The following FAM219A variants were observed in gnomAD, a reference collection of about 807,000 sequenced individuals.
The protein encoded by FAM219A is family with sequence similarity 219 member A.
A neutral mutation model predicts 23.4 loss-of-function variants in FAM219A; 7 were observed. The ratio of observed to expected loss-of-function variants is 0.30; its 90% CI spans 0.17 to 0.56. The LOEUF (loss-of-function observed/expected upper bound fraction) is 0.56. Among genes scored for constraint, FAM219A ranks in the 20% least tolerant of loss-of-function variants. The pLI, the probability that FAM219A is intolerant of heterozygous loss-of-function variation, is 0.92. For missense variants in FAM219A, 166 were observed against 246.9 expected, an observed-to-expected ratio of 0.67 and a Z score of 2.20; for synonymous variants, 93 against 99.0, an observed-to-expected ratio of 0.94 and a Z score of 0.36.
intron 1 of FAM219A, among the ~76,000 whole-genome samples, chr9:34,438,205 C>T (rs1823000955): frequency 6.6e-6 from 1 of 152,216 alleles, no homozygotes; most frequent in Non-Finnish European, 1.5e-5. Flanking sequence ...CTTGAGCCTC[C>T]CACCCCTCCA....
rs1050404460 is a variant in FAM219A at position 34,438,854 on chromosome 9, C to T, written c.60+19350G>A. Reference sequence around the variant, plus strand: ...GCTGCCCAAGCCAGCAGTGGCAACCCGCTCAGGTCCCCATCCACACTGTGG... The same window carrying T: ...GCTGCCCAAGCCAGCAGTGGCAACCTGCTCAGGTCCCCATCCACACTGTGG... On this transcript the variant is annotated intron_variant, in intron 1 of 5. Coordinates refer to ENST00000651358, the MANE Select transcript of FAM219A (RefSeq NM_001184940.2). Among the ~76,000 whole-genome samples the T allele has an allele frequency of 5.9e-5, 9 of 152,342 alleles. No homozygotes were observed. In the South Asian group the frequency reaches 8.3e-4, roughly 14 times the overall value.
intron 1 of FAM219A, among the ~76,000 whole-genome samples, chr9:34,421,133 G>A (rs1242420187): frequency 6.6e-6 from 1 of 152,088 alleles, no homozygotes. Context: ...GCAGCAGGGA[G>A]GTCAGGGCTG....
At chr9:34,405,754 G>T in intron 2 of FAM219A, 111 bp downstream of exon 2, 1 of 1,076,964 alleles carries the variant, frequency 9.3e-7, no homozygotes, top group Non-Finnish European at 1.4e-6. Flanking sequence ...GAAGGCTTGA[G>T]TCTTGGAATC....
intron 2 of FAM219A, 92 bp downstream of exon 2, chr9:34,405,773 T>C: frequency 8.0e-7 from 1 of 1,256,020 alleles, no homozygotes; most frequent in Non-Finnish European, 1.1e-6. Context: ...TCATCTAGGC[T>C]GAGCTGGTTT....
In FAM219A at chr9:34,458,143, CT is replaced by C; in HGVS notation, c.60+60del. 1.3e-6 allele frequency: 2 copies of C among 1,482,922 alleles called. No homozygotes were observed. Among genetic ancestry groups the C allele is most frequent in the Admixed American group, 2.0e-5 (1 of 49,956 alleles). 91.9% of individuals were successfully genotyped at this position (1,482,922 alleles called of 1,614,324 possible). A position where few individuals can be genotyped will look rare whatever the true frequency, so the allele number is the denominator to read the frequency against. ...CGCACGATCCCCCCGGCCTGATTCC[CT>C]CCCTCCCCCTCAAGCGACGCCCCCT... On this transcript the variant is annotated intron_variant, in intron 1 of 5. Transcript: ENST00000651358. The surrounding 1 kb of genome is among the most constrained non-coding windows in gnomAD (Gnocchi z 6.6).
At chr9:34,448,791 G>A (rs955740268) in intron 1 of FAM219A, among the ~76,000 whole-genome samples, 1 of 152,148 alleles carries the variant, frequency 6.6e-6, no homozygotes, top group East Asian at 1.9e-4. Flanking sequence ...TGGGAGCTAA[G>A]CTATGAGGAC....
At position 34,458,097 on chromosome 9, in the gene FAM219A, C is replaced by T. The variant is rs1823822060; in HGVS notation, c.60+107G>A. The T allele has an allele frequency of 7.6e-6, 8 of 1,059,568 alleles. No homozygotes were observed. The highest frequency in any genetic ancestry group is 1.0e-5 in the Non-Finnish European group (8 of 774,776). The allele number at this position is 1,059,568 out of a possible 1,614,324, so 65.6% of individuals were successfully genotyped here. On this transcript the variant is annotated intron_variant, in intron 1 of 5. Coordinates refer to ENST00000651358, the MANE Select transcript of FAM219A (RefSeq NM_001184940.2). The surrounding 1 kb of genome is among the most constrained non-coding windows in gnomAD (Gnocchi z 6.6). ...CAATACGTTTTCAGGGATCTCTTTG[C>T]CCCATCCGATGGCGCCCCTCCGCAC...
intron 2 of FAM219A, 145 bp downstream of exon 2, chr9:34,405,720 G>A (rs1021093484): frequency 1.4e-6 from 1 of 726,030 alleles, no homozygotes; most frequent in Non-Finnish European, 2.3e-6. Flanking sequence ...CAGGAGACAA[G>A]GTGCCTCGCA....
intron 2 of FAM219A, 22 bp from the exon 3 acceptor site, chr9:34,402,829 A>T: frequency 6.2e-7 from 1 of 1,611,988 alleles, no homozygotes. Flanking sequence ...CATGGGAAGG[A>T]AGCTGTGTCC....
chr9:34,423,039 C>T (rs928168938), intron 1 of FAM219A, among the ~76,000 whole-genome samples: 1 of 152,058 alleles, frequency 6.6e-6, no homozygotes, highest in South Asian at 2.1e-4. Context: ...CATGGTGGCA[C>T]GTGTCTGTAG....
intron 1 of FAM219A, among the ~76,000 whole-genome samples, chr9:34,406,959 G>A (rs993280835): frequency 6.6e-6 from 1 of 151,876 alleles, no homozygotes; most frequent in Non-Finnish European, 1.5e-5. Context: ...CACGCCACCA[G>A]GCCCAGCTAA....
In FAM219A at chr9:34,398,321, A is replaced by ATTAGT. The variant is rs1451873008; in HGVS notation, c.*2638_*2642dup. On this transcript the variant is annotated 3_prime_UTR_variant, in exon 6 of 6. Transcript: ENST00000651358. ...CTTCCACACACCTTCCTGGAAATAA[A>ATTAGT]TTAGTGAGCACGGAGAAACCTGGCT... The ATTAGT allele has an allele frequency of 8.4e-6, 13 of 1,550,892 alleles. No homozygotes were observed. In the African/African-American group the frequency reaches 1.8e-4, roughly 21 times the overall value.
chr9:34,452,464 C>G (rs1488706641), intron 1 of FAM219A, among the ~76,000 whole-genome samples: 1 of 152,184 alleles, frequency 6.6e-6, no homozygotes, highest in Non-Finnish European at 1.5e-5. Context: ...TCTACCTCTC[C>G]ATTCCGCCTC....
At chr9:34,446,382 C>T (rs906080492) in intron 1 of FAM219A, among the ~76,000 whole-genome samples, 2 of 152,172 alleles carry the variant, frequency 1.3e-5, no homozygotes, top group African/African-American at 2.4e-5. Context: ...AACACCTATT[C>T]TCAGAAAACT....
At chr9:34,440,800 G>A (rs10758261) in intron 1 of FAM219A, among the ~76,000 whole-genome samples, 27,224 of 150,378 alleles carry the variant, frequency 0.18, 2,683 homozygotes, top group East Asian at 0.33. Context: ...CAAGTGAGCC[G>A]AGATCGCGCC....
At chr9:34,433,045 C>T (rs1822772415) in intron 1 of FAM219A, among the ~76,000 whole-genome samples, 1 of 152,108 alleles carries the variant, frequency 6.6e-6, no homozygotes, top group Non-Finnish European at 1.5e-5. Flanking sequence ...AAAGAAAGTC[C>T]AGAGAGTCTT....
Position 34,400,731 on chromosome 9 carries a change from C to A in FAM219A, c.*233G>T, listed in dbSNP as rs1821387178. On this transcript the variant is annotated 3_prime_UTR_variant, in exon 6 of 6. Transcript: ENST00000651358. ...CCCCAGGTAACTGAACAAACGGCCCCCACCCCTCCTCAGCTCCCGGGTGGA... is the reference window on the plus strand; with the variant it reads ...CCCCAGGTAACTGAACAAACGGCCCACACCCCTCCTCAGCTCCCGGGTGGA... The A allele has an allele frequency of 9.4e-6, 4 of 426,116 alleles. No homozygotes were observed. The highest frequency in any genetic ancestry group is 8.4e-5 in the Admixed American group (2 of 23,782). The allele number at this position is 426,116 out of a possible 1,614,324, so 26.4% of individuals were successfully genotyped here. A position where few individuals can be genotyped will look rare whatever the true frequency, so the allele number is the denominator to read the frequency against.
intron 1 of FAM219A, among the ~76,000 whole-genome samples, chr9:34,456,423 T>C (rs1372710146): frequency 6.6e-6 from 1 of 152,220 alleles, no homozygotes; most frequent in Non-Finnish European, 1.5e-5. Flanking sequence ...GTGGCTCTAT[T>C]TCTTCTCCCC....
At chr9:34,442,177 T>G (rs1225987973) in intron 1 of FAM219A, among the ~76,000 whole-genome samples, 1 of 152,212 alleles carries the variant, frequency 6.6e-6, no homozygotes, top group Non-Finnish European at 1.5e-5. Flanking sequence ...AAGTTGAATT[T>G]AAGTCTGATC....
Sources: gnomAD v4.1 joint callset for allele counts (sites outside exome capture counted in the v4.1 genomes callset) on GRCh38, gnomAD v4.1.1 for gene constraint, Gnocchi (gnomAD v3.1) non-coding constraint, MANE v1.5 for transcripts, NCBI Gene and HGNC (gene_info 2026-07-23, HGNC 2026-07-21) for gene names.